ZNF423: variants seen among roughly 807,000 people sequenced by gnomAD.
The protein encoded by ZNF423 is zinc finger protein 423.
ZNF423 carries 12 observed loss-of-function variants against 95.8 expected under a neutral mutation model. The ratio of observed to expected loss-of-function variants is 0.13; its 90% CI spans 0.08 to 0.20. The LOEUF is 0.20. Ranked by LOEUF, ZNF423 falls within the 10% of genes least tolerant of loss-of-function variation. The probability of loss-of-function intolerance (pLI) is 1.00; values close to 1 mark genes in which losing one functional copy is unlikely to be tolerated. For missense variants in ZNF423, 1,316 were observed against 1,737.1 expected (o/e 0.76, Z 4.31); for synonymous variants, 749 against 711.9 (o/e 1.05, Z -0.83).
chr16:49,499,187 C>T (rs1055882610), intron 7 of ZNF423, among the ~76,000 whole-genome samples: 2 of 152,242 alleles, frequency 1.3e-5, no homozygotes, highest in African/African-American at 4.8e-5. Flanking sequence ...TGGTGGCCCA[C>T]TGGCCTTGGA....
chr16:49,492,929 A>T lies in ZNF423; in HGVS notation c.3850-1625T>A, dbSNP rs1419681586. On this transcript the variant is annotated intron_variant, in intron 7 of 7. Transcript: ENST00000563137. The surrounding 1 kb of genome is among the most constrained non-coding windows in gnomAD (Gnocchi z 4.2). ...GATTTTCAGGGGAGCCAGGCTTCCC[A>T]GGGCCTGCACCCCATGGGCACCGCA... 6.6e-6 allele frequency among the ~76,000 whole-genome samples: 1 copy of T among 152,132 alleles called. No individual in the cohort carries two copies. The highest frequency in any genetic ancestry group is 1.5e-5 in the Non-Finnish European group (1 of 68,008).
At chr16:49,746,706 A>T (rs1165801432) in intron 2 of ZNF423, among the ~76,000 whole-genome samples, 1 of 152,194 alleles carries the variant, frequency 6.6e-6, no homozygotes, top group Non-Finnish European at 1.5e-5. Flanking sequence ...TCCTGACCTC[A>T]GGTGAACCAC....
intron 1 of ZNF423, among the ~76,000 whole-genome samples, chr16:49,839,116 C>G (rs2035155326): frequency 6.7e-6 from 1 of 149,480 alleles, no homozygotes; most frequent in Non-Finnish European, 1.5e-5. Context: ...TCCTCCTCTC[C>G]GACCCTTGAC....
intron 1 of ZNF423, among the ~76,000 whole-genome samples, chr16:49,815,914 A>ATATATATATT (rs1445194160): frequency 3.4e-5 from 1 of 29,796 alleles, no homozygotes; most frequent in African/African-American, 1.3e-4. Flanking sequence ...ATATATATAT[A>ATATATATATT]TTTTTTTTTT....
chr16:49,521,456 C>T (rs570228507), intron 7 of ZNF423, among the ~76,000 whole-genome samples: 2 of 152,122 alleles, frequency 1.3e-5, no homozygotes, highest in African/African-American at 4.8e-5. Context: ...GGAGAGGGTG[C>T]GCATCCAGCA....
At chr16:49,750,135 G>A (rs1453200724) in intron 2 of ZNF423, among the ~76,000 whole-genome samples, 3 of 152,236 alleles carry the variant, frequency 2.0e-5, no homozygotes, top group East Asian at 1.9e-4. Flanking sequence ...GCTGCTCGGG[G>A]TGAGTCACAT....
At chr16:49,624,912 T>C (rs958143335) in intron 5 of ZNF423, among the ~76,000 whole-genome samples, 4 of 152,254 alleles carry the variant, frequency 2.6e-5, no homozygotes, top group Non-Finnish European at 5.9e-5. Context: ...TTTCTTGATC[T>C]GTGTGTGGGT....
intron 5 of ZNF423, among the ~76,000 whole-genome samples, chr16:49,614,663 A>C (rs925535611): frequency 3.9e-5 from 6 of 152,166 alleles, no homozygotes; most frequent in Admixed American, 3.9e-4. Context: ...CCTGGATGTG[A>C]TATTGTACTC....
intron 5 of ZNF423, among the ~76,000 whole-genome samples, chr16:49,552,213 C>A (rs1414966405): frequency 6.6e-6 from 1 of 152,214 alleles, no homozygotes; most frequent in Non-Finnish European, 1.5e-5. Context: ...GAGTTGATGA[C>A]CCTTGAACTA....
At chr16:49,623,851 T>C (rs1031051601) in intron 5 of ZNF423, among the ~76,000 whole-genome samples, 1 of 152,044 alleles carries the variant, frequency 6.6e-6, no homozygotes, top group East Asian at 1.9e-4. Flanking sequence ...AGGTTGGGGG[T>C]CAGGGGGACT....
At chr16:49,672,271 G>A (rs1471093870) in intron 3 of ZNF423, among the ~76,000 whole-genome samples, 1 of 152,164 alleles carries the variant, frequency 6.6e-6, no homozygotes, top group Non-Finnish European at 1.5e-5. Flanking sequence ...CTGGCTTTCT[G>A]GAATTCAGAA....
chr16:49,625,267 C>T (rs941485001), intron 5 of ZNF423, among the ~76,000 whole-genome samples: 2 of 152,150 alleles, frequency 1.3e-5, no homozygotes, highest in Non-Finnish European at 2.9e-5. Flanking sequence ...GCAGGAAAAT[C>T]GCTTGAACCC....
Position 49,638,143 on chromosome 16 carries a change from C to A in ZNF423, c.1033G>T (p.Gly345Cys), listed in dbSNP as rs749993606. The change falls in exon 4 of 8, where the codon GGT becomes TGT. Residue 345 changes from glycine (G) to cysteine (C), a missense_variant. Coordinates refer to ENST00000563137, the MANE Select transcript of ZNF423 (RefSeq NM_001379286.1). The surrounding 1 kb of genome is among the most constrained non-coding windows in gnomAD (Gnocchi z 5.6). ...MCPEQFSSVE[G>C]VYCHLDSHRQ... is the part of the protein sequence containing the mutation. ...TGGCTGTCCAGGTGGCAGTAGACAC[C>A]TTCCACTGAGGAGAACTGCTCAGGG... 2.5e-6 allele frequency: 4 copies of A among 1,611,334 alleles called. No homozygotes were observed. The highest frequency in any genetic ancestry group is 3.4e-6 in the Non-Finnish European group (4 of 1,180,012).
rs572161203 is a variant in ZNF423, at chr16:49,743,610, G to A, written c.101-12639C>T. Among the ~76,000 whole-genome samples, 7 of 152,194 alleles carry A rather than the reference G, an allele frequency of 4.6e-5. No homozygotes were observed. In the East Asian group the frequency reaches 5.8e-4, roughly 13 times the overall value. ...GGATGGGACAACAGGAATGAAGCCC[G>A]AAGCAGGCCCCTGGTCCTGCCTGCT... On this transcript the variant is annotated intron_variant, in intron 2 of 7. Transcript: ENST00000563137.
chr16:49,744,360 C>A (rs1443789534), intron 2 of ZNF423, among the ~76,000 whole-genome samples: 1 of 147,430 alleles, frequency 6.8e-6, no homozygotes. Flanking sequence ...GCCAGGCAGG[C>A]TGTCCCCAGG....
chr16:49,774,941 G>C (rs1447278533), intron 2 of ZNF423, among the ~76,000 whole-genome samples: 1 of 152,114 alleles, frequency 6.6e-6, no homozygotes, highest in Non-Finnish European at 1.5e-5. Context: ...GCATGTTGAG[G>C]GCCCTTGGAG....
At chr16:49,640,235 G>A (rs542613033) in intron 3 of ZNF423, among the ~76,000 whole-genome samples, 7 of 152,204 alleles carry the variant, frequency 4.6e-5, no homozygotes, top group Admixed American at 3.9e-4. Flanking sequence ...TGGGGCAGGC[G>A]CACCATGCTC....
intron 3 of ZNF423, among the ~76,000 whole-genome samples, chr16:49,694,924 A>T (rs1345688088): frequency 1.3e-5 from 2 of 152,212 alleles, no homozygotes; most frequent in African/African-American, 4.8e-5. Context: ...AATATGACCA[A>T]GCCTTACAAA....
chr16:49,825,099 C>A (rs542084424), intron 1 of ZNF423, among the ~76,000 whole-genome samples: 3 of 152,148 alleles, frequency 2.0e-5, no homozygotes, highest in Non-Finnish European at 4.4e-5. Flanking sequence ...ATGCATTACT[C>A]CAGGATTTTC....
Sources: gnomAD v4.1 joint callset for allele counts (sites outside exome capture counted in the v4.1 genomes callset) on GRCh38, gnomAD v4.1.1 for gene constraint, Gnocchi (gnomAD v3.1) non-coding constraint, MANE v1.5 for transcripts, NCBI Gene and HGNC (gene_info 2026-07-23, HGNC 2026-07-21) for gene names.